Variants in PICALM observed in about 807,000 individuals in gnomAD.
PICALM encodes phosphatidylinositol binding clathrin assembly protein.
A neutral mutation model predicts 80.5 loss-of-function variants in PICALM; 40 were observed. The ratio of observed to expected loss-of-function variants is 0.50; its 90% CI spans 0.39 to 0.65. The LOEUF is 0.65. Among genes scored for constraint, PICALM ranks in the 30% least tolerant of loss-of-function variants. The pLI, the probability that PICALM is intolerant of heterozygous loss-of-function variation, is 0.00. For synonymous variants in PICALM, 288 were observed against 260.3 expected (o/e 1.11, Z -1.02); for missense variants, 676 against 778.9 (o/e 0.87, Z 1.57).
intron 1 of PICALM, among the ~76,000 whole-genome samples, chr11:86,049,010 G>A (rs1488611106): frequency 1.3e-5 from 2 of 148,812 alleles, no homozygotes; most frequent in Non-Finnish European, 3.0e-5. Context: ...ACAAATCAGA[G>A]GGCCGGGTGC....
intron 8 of PICALM, 148 bp from the exon 9 acceptor site, chr11:86,003,599 ATG>A (rs774797465): frequency 8.4e-5 from 35 of 417,476 alleles, no homozygotes; most frequent in Middle Eastern, 6.0e-4. Context: ...CTTAATAAGA[ATG>A]ACAATCTTAC....
At chr11:86,057,519 C>G (rs1234407041) in intron 1 of PICALM, among the ~76,000 whole-genome samples, 1 of 151,980 alleles carries the variant, frequency 6.6e-6, no homozygotes, top group South Asian at 2.1e-4. Flanking sequence ...GCCTGGGCAA[C>G]AGAGTAAGAC....
chr11:85,983,003 A>C (rs2094487703), intron 14 of PICALM, among the ~76,000 whole-genome samples: 1 of 152,174 alleles, frequency 6.6e-6, no homozygotes, highest in Non-Finnish European at 1.5e-5. Context: ...CTCTCTTTCC[A>C]CTTTCCCAGG....
At chr11:86,031,909 T>C (rs570958500) in intron 1 of PICALM, among the ~76,000 whole-genome samples, 25 of 152,342 alleles carry the variant, frequency 1.6e-4, no homozygotes, top group Admixed American at 1.5e-3. Flanking sequence ...TTTCAAGGTT[T>C]TGAGGAACCT....
chr11:86,069,085 G>A, upstream of PICALM: 1 of 324,588 alleles, frequency 3.1e-6, no homozygotes, highest in Non-Finnish European at 5.8e-6. Context: ...GGAAAATGGC[G>A]GCGCCAGGCT....
At chr11:85,973,399 G>A (rs1018871629) in intron 19 of PICALM, among the ~76,000 whole-genome samples, 1 of 152,152 alleles carries the variant, frequency 6.6e-6, no homozygotes, top group African/African-American at 2.4e-5. Flanking sequence ...GTAAGTAGAG[G>A]ATATTAAGAT....
At chr11:86,024,713 T>C (rs1016590465) in intron 3 of PICALM, among the ~76,000 whole-genome samples, 1 of 152,206 alleles carries the variant, frequency 6.6e-6, no homozygotes, top group Non-Finnish European at 1.5e-5. Flanking sequence ...CACTACATGT[T>C]CTCAAATACA....
rs546257203 is a variant in PICALM, at chr11:86,061,101, G to A, written c.130+7550C>T. ...CCCAACACTTTGGGAGGCTGAAGCA[G>A]GCGGATCACCTGAGATGAGGAGTTC... On this transcript the variant is annotated intron_variant, in intron 1 of 19. Coordinates refer to ENST00000393346, the MANE Select transcript of PICALM (RefSeq NM_007166.4). Among the ~76,000 whole-genome samples the A allele has an allele frequency of 3.3e-5, 5 of 152,234 alleles. No homozygotes were observed. The East Asian group carries it at 9.7e-4, about 29-fold the overall frequency.
At chr11:86,062,844 G>T (rs550697126) in intron 1 of PICALM, among the ~76,000 whole-genome samples, 1 of 152,156 alleles carries the variant, frequency 6.6e-6, no homozygotes, top group Non-Finnish European at 1.5e-5. Context: ...GTATAAAGCA[G>T]TTTAACTGGG....
At chr11:85,987,802 A>T (rs1338096682) in intron 13 of PICALM, among the ~76,000 whole-genome samples, 1 of 152,202 alleles carries the variant, frequency 6.6e-6, no homozygotes, top group Non-Finnish European at 1.5e-5. Flanking sequence ...AGTCATTTTG[A>T]TACTTTTATA....
chr11:86,034,477 C>T (rs903810584), intron 1 of PICALM, among the ~76,000 whole-genome samples: 4 of 152,204 alleles, frequency 2.6e-5, no homozygotes, highest in African/African-American at 9.6e-5. Context: ...TTTTCCCACT[C>T]TCAATCCAGA....
chr11:86,030,983 T>C lies in PICALM; in HGVS notation c.273+486A>G, dbSNP rs981359112. Among the ~76,000 whole-genome samples the C allele has an allele frequency of 3.9e-5, 6 of 152,046 alleles. No homozygotes were observed. In the East Asian group the frequency reaches 1.2e-3, roughly 29 times the overall value. ...AAATTTAAAAATAAGCCAGGCATGGTAGCACACACTTGTAATCCCAGCTAC... is the reference window on the plus strand; with the variant it reads ...AAATTTAAAAATAAGCCAGGCATGGCAGCACACACTTGTAATCCCAGCTAC... On this transcript the variant is annotated intron_variant, in intron 2 of 19. Coordinates refer to ENST00000393346, the MANE Select transcript of PICALM (RefSeq NM_007166.4).
In PICALM at chr11:86,056,134, T is replaced by TA. The variant is rs376759395; in HGVS notation, c.130+12516_130+12517insT. 5.5e-4 allele frequency among the ~76,000 whole-genome samples: 42 copies of TA among 76,850 alleles called. 3 individuals are homozygous for TA. Among genetic ancestry groups the TA allele is most frequent in the African/African-American group, 1.2e-3 (24 of 20,522 alleles). The allele number at this position is 76,850 out of a possible 152,430, so 50.4% of individuals were successfully genotyped here. ...TGGGTGACAGAACAAGACTCTGTCTTTAAAAAAAAAAAAAAAGAAAAAACC... is the reference window on the plus strand; with the variant it reads ...TGGGTGACAGAACAAGACTCTGTCTTATAAAAAAAAAAAAAAAGAAAAAACC... On this transcript the variant is annotated intron_variant, in intron 1 of 19. Transcript: ENST00000393346.
Position 86,068,954 on chromosome 11 carries a change from G to A in PICALM, c.-174C>T, listed in dbSNP as rs540816826. On this transcript the variant is annotated 5_prime_UTR_variant, in exon 1 of 20. Transcript: ENST00000393346. ...CGCTGCCACCAGTCCAGAGAGAACC[G>A]GCTCGTGTCACCCGCGGAGTCGGAC... 1.7e-5 allele frequency: 13 copies of A among 783,638 alleles called. No individual in the cohort carries two copies. In the East Asian group the frequency reaches 2.6e-4, roughly 16 times the overall value. 48.5% of individuals were successfully genotyped at this position (783,638 alleles called of 1,614,324 possible).
At chr11:86,006,458 G>A (rs2095278815) in intron 8 of PICALM, among the ~76,000 whole-genome samples, 1 of 152,106 alleles carries the variant, frequency 6.6e-6, no homozygotes, top group South Asian at 2.1e-4. Context: ...GACCAGCCTG[G>A]CTAATATGGA....
chr11:85,959,992 T>C (rs1451163249), intron 19 of PICALM, among the ~76,000 whole-genome samples: 4 of 152,098 alleles, frequency 2.6e-5, no homozygotes, highest in African/African-American at 9.7e-5. Context: ...TAAGCACAAA[T>C]ACCACAAGCA....
At chr11:85,989,833 TAA>T (rs2094705608) in intron 13 of PICALM, among the ~76,000 whole-genome samples, 1 of 151,988 alleles carries the variant, frequency 6.6e-6, no homozygotes, top group African/African-American at 2.4e-5. Flanking sequence ...AGATAGCTGC[TAA>T]GAGTGATTAA....
chr11:86,020,421 T>C (rs1460492456), intron 4 of PICALM, among the ~76,000 whole-genome samples: 5 of 78,812 alleles, frequency 6.3e-5, no homozygotes, highest in Non-Finnish European at 1.3e-4. Flanking sequence ...AAAACAATCT[T>C]GGGAAAAAAA....
chr11:86,049,614 G>C (rs1029423361), intron 1 of PICALM, among the ~76,000 whole-genome samples: 1 of 151,228 alleles, frequency 6.6e-6, no homozygotes, highest in African/African-American at 2.4e-5. Context: ...GTGCAGTGGC[G>C]CAATCTCGGG....
Sources: gnomAD v4.1 joint callset for allele counts (sites outside exome capture counted in the v4.1 genomes callset) on GRCh38, gnomAD v4.1.1 for gene constraint, MANE v1.5 for transcripts, NCBI Gene and HGNC (gene_info 2026-07-23, HGNC 2026-07-21) for gene names.